ERAP2: variants seen among roughly 807,000 people sequenced by gnomAD.
The protein encoded by ERAP2 is endoplasmic reticulum aminopeptidase 2.
A neutral mutation model predicts 111.1 loss-of-function variants in ERAP2; 118 were observed. That is an observed-to-expected ratio of 1.06 (90% CI 0.92 to 1.24). ERAP2 has a LOEUF of 1.24. ERAP2 is among the 50% of genes most tolerant of loss of function. The pLI, the probability that ERAP2 is intolerant of heterozygous loss-of-function variation, is 0.00. For missense variants in ERAP2, 1,131 were observed against 1,125.8 expected, an observed-to-expected ratio of 1.00 and a Z score of -0.07; for synonymous variants, 410 against 401.2, an observed-to-expected ratio of 1.02 and a Z score of -0.26.
In ERAP2 at chr5:96,892,461, G is replaced by A; in HGVS notation, c.1125+8G>A. 6.2e-7 allele frequency: 1 copy of A among 1,613,500 alleles called. No homozygotes were observed. Among genetic ancestry groups the A allele is most frequent in the East Asian group, 2.2e-5 (1 of 44,870 alleles). ...CATGAACTGGCGCACCAGGTACTTG[G>A]CACTCATGACATTATCTCGATATCA... On this transcript the variant is annotated splice_region_variant and intron_variant, in intron 6 of 18. Transcript: ENST00000437043.
At chr5:96,894,508 A>T (rs1008468855) in intron 6 of ERAP2, among the ~76,000 whole-genome samples, 1 of 106,176 alleles carries the variant, frequency 9.4e-6, no homozygotes, top group Non-Finnish European at 2.0e-5. Flanking sequence ...CATACACTAG[A>T]TGTGCAGTAT....
rs190482604 is a variant in ERAP2 at position 96,882,068 on chromosome 5, C to G, written c.576-1724C>G. 5.3e-5 allele frequency among the ~76,000 whole-genome samples: 8 copies of G among 152,264 alleles called. No individual in the cohort carries two copies. The East Asian group carries it at 1.5e-3, about 29-fold the overall frequency. ...CACTGCACAGCCTGCAGCCATCCAC[C>G]TAGGACAACTCTTCCCCAGGCTCCT... On this transcript the variant is annotated intron_variant, in intron 2 of 18. Coordinates refer to ENST00000437043, the MANE Select transcript of ERAP2 (RefSeq NM_022350.5).
At chr5:96,903,663 G>A in intron 13 of ERAP2, 103 bp downstream of exon 13, 2 of 1,069,056 alleles carry the variant, frequency 1.9e-6, no homozygotes, top group East Asian at 5.1e-5. Flanking sequence ...GATTTAATAT[G>A]GATTTGAATG....
chr5:96,899,914 A>C (rs1785269831), intron 9 of ERAP2, among the ~76,000 whole-genome samples: 1 of 152,244 alleles, frequency 6.6e-6, no homozygotes, highest in Non-Finnish European at 1.5e-5. Context: ...ACACATGCGT[A>C]TATATAACAC....
At chr5:96,876,958 A>T (rs974767700) in intron 1 of ERAP2, among the ~76,000 whole-genome samples, 1 of 151,938 alleles carries the variant, frequency 6.6e-6, no homozygotes, top group Non-Finnish European at 1.5e-5. Flanking sequence ...CTGTTTATTT[A>T]ATTTAATTTA....
At chr5:96,890,703 A>C (rs76867968) in intron 5 of ERAP2, among the ~76,000 whole-genome samples, 2,772 of 152,226 alleles carry the variant, frequency 0.018, 104 homozygotes, top group African/African-American at 0.063. Context: ...ATTGGCATAC[A>C]GTTCCAGGCT....
Position 96,896,522 on chromosome 5 carries a change from C to T in ERAP2, c.1371+18C>T. 1 of 1,601,052 alleles carries T rather than the reference C, an allele frequency of 6.2e-7. No individual in the cohort carries two copies. The stretch of plus-strand genomic sequence containing the variant: ...ATAACAAGGTAGTAAATATCAGGTG[C>T]AGGTGGAAGCTCTGCTTTCAGAAGT... On this transcript the variant is annotated intron_variant, in intron 8 of 18. Coordinates refer to ENST00000437043, the MANE Select transcript of ERAP2 (RefSeq NM_022350.5).
chr5:96,916,607 G>A (rs1328489710), intron 18 of ERAP2, among the ~76,000 whole-genome samples: 3 of 151,564 alleles, frequency 2.0e-5, no homozygotes, highest in Non-Finnish European at 4.4e-5. Flanking sequence ...GGGACTACAG[G>A]AGGCTGCCAC....
intron 12 of ERAP2, chr5:96,902,820 A>G (rs1785617420): frequency 1.3e-5 from 2 of 155,412 alleles, no homozygotes; most frequent in Admixed American, 1.3e-4. Flanking sequence ...AACCTCACAG[A>G]GTTGTTGAGA....
At position 96,883,942 on chromosome 5, in the gene ERAP2, T is replaced by C; in HGVS notation, c.714+12T>C. 6.4e-7 allele frequency: 1 copy of C among 1,556,664 alleles called. No homozygotes were observed. The highest frequency in any genetic ancestry group is 8.7e-7 in the Non-Finnish European group (1 of 1,154,830). Reference sequence around the variant, plus strand: ...CCAACATGCCAAAGGTATGTCCACTTCCAGAAACTTTTAGAAATTGTTCTC... The same window carrying C: ...CCAACATGCCAAAGGTATGTCCACTCCCAGAAACTTTTAGAAATTGTTCTC... On this transcript the variant is annotated intron_variant, in intron 3 of 18. Transcript: ENST00000437043.
At position 96,895,452 on chromosome 5, in the gene ERAP2, C is replaced by T. The variant is rs918649334; in HGVS notation, c.1239+93C>T. The T allele has an allele frequency of 2.8e-5, 25 of 908,206 alleles. No individual in the cohort carries two copies. In the Admixed American group the frequency reaches 5.4e-4, roughly 20 times the overall value. 56.3% of individuals were successfully genotyped at this position (908,206 alleles called of 1,614,324 possible). On this transcript the variant is annotated intron_variant, in intron 7 of 18. Coordinates refer to ENST00000437043, the MANE Select transcript of ERAP2 (RefSeq NM_022350.5). ...AAGTGAATGTTAAACAGAAAAACTA[C>T]ATAATGTTGTGGTTTTTGAACATAT...
At chr5:96,879,527 TTTTTTGTCA>T in intron 1 of ERAP2, 28 bp from the exon 2 acceptor site, 1 of 582,268 alleles carries the variant, frequency 1.7e-6, no homozygotes. Flanking sequence ...AATTGAAATC[TTTTTTGTCA>T]TGCTATAAGT....
At chr5:96,878,514 A>G (rs577812340) in intron 1 of ERAP2, among the ~76,000 whole-genome samples, 2 of 152,298 alleles carry the variant, frequency 1.3e-5, no homozygotes, top group East Asian at 3.9e-4. Context: ...TCAGGCATAC[A>G]CTTAAAATTA....
chr5:96,897,652 A>G (rs1785002552), intron 9 of ERAP2, among the ~76,000 whole-genome samples: 2 of 152,292 alleles, frequency 1.3e-5, no homozygotes, highest in East Asian at 3.9e-4. Context: ...ATTCATGTAG[A>G]TAATAGGAAA....
chr5:96,911,882 G>GAAAA (rs1176253119), intron 15 of ERAP2, among the ~76,000 whole-genome samples: 2 of 109,654 alleles, frequency 1.8e-5, no homozygotes, highest in African/African-American at 7.0e-5. Flanking sequence ...AAAAAAAAAA[G>GAAAA]AAAGAAAGAA....
At position 96,907,029 on chromosome 5, in the gene ERAP2, A is replaced by AAAAAC. The variant is rs551214151; in HGVS notation, c.2013-1910_2013-1906dup. On this transcript the variant is annotated intron_variant, in intron 13 of 18. Coordinates refer to ENST00000437043, the MANE Select transcript of ERAP2 (RefSeq NM_022350.5). ...GGCAACAGGAGTGAAACTCCATCTC[A>AAAAAC]AAAACAAAACAAAACAAAACAAAAC... 7.2e-4 allele frequency among the ~76,000 whole-genome samples: 109 copies of AAAAAC among 152,336 alleles called. No homozygotes were observed. In the South Asian group the frequency reaches 0.016, roughly 23 times the overall value.
chr5:96,916,773 T>A (rs967895410), intron 18 of ERAP2, among the ~76,000 whole-genome samples: 15 of 151,604 alleles, frequency 9.9e-5, no homozygotes, highest in Admixed American at 5.2e-4. Context: ...ATCTTTTTTT[T>A]TTTTTTAAAG....
At position 96,913,396 on chromosome 5, in the gene ERAP2, C is replaced by T; in HGVS notation, c.2596C>T (p.Pro866Ser). 6.2e-7 allele frequency: 1 copy of T among 1,614,078 alleles called. No individual in the cohort carries two copies. Among genetic ancestry groups the T allele is most frequent in the African/African-American group, 1.3e-5 (1 of 75,030 alleles). Reference protein sequence around the residue: ...AALLHAIARRPKGQQLAWDFV... With the variant: ...AALLHAIARRSKGQQLAWDFV... ...TCTCCTTCATGCGATTGCCAGACGT[C>T]CAAAGGGGCAGCAACTAGCATGGGA... Residue 866 changes from proline to serine, a missense_variant, in exon 17 of 19, where the codon CCA becomes TCA. Pro to Ser is a moderately conservative substitution (Grantham distance 74). This residue lies in a region of ERAP2 where 279 missense variants were observed against 250.9 expected (regional missense o/e 1.11). Transcript: ENST00000437043.
chr5:96,879,083 G>A (rs577646778), intron 1 of ERAP2, among the ~76,000 whole-genome samples: 5 of 152,272 alleles, frequency 3.3e-5, no homozygotes, highest in African/African-American at 1.2e-4. Context: ...GCCGAGTGTG[G>A]CGGTGTGTGT....
Sources: allele counts gnomAD v4.1 joint callset (sites outside exome capture counted in the v4.1 genomes callset), GRCh38; gene constraint gnomAD v4.1.1; regional missense constraint gnomAD v4.1.1; transcripts MANE v1.5; gene names NCBI Gene and HGNC (gene_info 2026-07-23, HGNC 2026-07-21).